GRM4: variants seen among roughly 807,000 people sequenced by gnomAD.
The protein encoded by GRM4 is metabotropic glutamate receptor 4.
Under a neutral mutation model 81.7 loss-of-function variants are expected in GRM4, and 28 were observed. That is an observed-to-expected ratio of 0.34 (90% CI 0.25 to 0.47). GRM4 has a LOEUF of 0.47. GRM4 is among the 20% of genes least tolerant of loss of function. The pLI, the probability that GRM4 is intolerant of heterozygous loss-of-function variation, is 1.00. For missense variants in GRM4, 948 were observed against 1,290.0 expected, an observed-to-expected ratio of 0.73 and a Z score of 4.06; for synonymous variants, 488 against 528.8, an observed-to-expected ratio of 0.92 and a Z score of 1.06.
intron 6 of GRM4, chr6:34,054,741 T>C (rs2101545): frequency 0.34 from 51,936 of 152,214 alleles, 10,710 homozygotes; most frequent in Non-Finnish European, 0.45. Flanking sequence ...TGCCACCACT[T>C]CCAGTCTTTC....
At chr6:34,110,709 C>T (rs1250631555) in intron 2 of GRM4, 1 of 1,522,536 alleles carries the variant, frequency 6.6e-7, no homozygotes. Flanking sequence ...AGCCTCCCCG[C>T]TGTGCCGGGG....
rs749152215 is a variant in GRM4, at chr6:34,022,887, CA to C, written c.2690-18del. ...TGGCCAGCGCTGGAAGGAGAGAGAC[CA>C]GGGGTACCCAGGAGTCAGGGGCTGC... On this transcript the variant is annotated intron_variant, in intron 10 of 10. Coordinates refer to ENST00000538487, the MANE Select transcript of GRM4 (RefSeq NM_000841.4). The surrounding 1 kb of genome is among the most constrained non-coding windows in gnomAD (Gnocchi z 5.6). 2.5e-6 allele frequency: 4 copies of C among 1,609,200 alleles called. No homozygotes were observed. Among genetic ancestry groups the C allele is most frequent in the East Asian group, 4.5e-5 (2 of 44,848 alleles).
rs530075812 is a variant in GRM4 at position 34,069,010 on chromosome 6, T to C, written c.737-6982A>G. Among the ~76,000 whole-genome samples, 1 of 152,126 alleles carries C rather than the reference T, an allele frequency of 6.6e-6. No homozygotes were observed. Among genetic ancestry groups the C allele is most frequent in the African/African-American group, 2.4e-5 (1 of 41,508 alleles). The stretch of plus-strand genomic sequence containing the variant: ...AGGAATTCAAGTGGAAAAATCTACC[T>C]TATGGCAAAATGTGAAGGCAGCAAT... On this transcript the variant is annotated intron_variant, in intron 3 of 10. Coordinates refer to ENST00000538487, the MANE Select transcript of GRM4 (RefSeq NM_000841.4). This position sits in a 1 kb window ranked among gnomAD's most constrained non-coding sequence, Gnocchi z 6.4.
At chr6:34,071,612 C>CACACATCA (rs757410411) in intron 3 of GRM4, among the ~76,000 whole-genome samples, 2 of 6,780 alleles carry the variant, frequency 2.9e-4, no homozygotes, top group East Asian at 5.8e-3. Flanking sequence ...ACCACACACA[C>CACACATCA]CCATACATCA....
chr6:34,101,704 G>A (rs1188775222), intron 2 of GRM4, among the ~76,000 whole-genome samples: 1 of 152,248 alleles, frequency 6.6e-6, no homozygotes, highest in Non-Finnish European at 1.5e-5. Context: ...AGATCGGGCA[G>A]GAGCCCTGGA....
intron 6 of GRM4, among the ~76,000 whole-genome samples, chr6:34,041,068 GGTC>G (rs1470289734): frequency 6.6e-6 from 1 of 152,200 alleles, no homozygotes; most frequent in Non-Finnish European, 1.5e-5. Flanking sequence ...GTGTCCCAGA[GGTC>G]TCCCTGTGGC....
intron 6 of GRM4, among the ~76,000 whole-genome samples, chr6:34,052,061 C>A (rs1765639723): frequency 6.6e-6 from 1 of 152,236 alleles, no homozygotes; most frequent in South Asian, 2.1e-4. Context: ...CAGCTGCCAG[C>A]ATGTGCCACC....
rs748147488 is a variant in GRM4, at chr6:34,036,136, G to T, written c.1974C>A (p.Phe658Leu). 6.2e-7 allele frequency: 1 copy of T among 1,614,232 alleles called. No individual in the cohort carries two copies. Among genetic ancestry groups the T allele is most frequent in the South Asian group, 1.1e-5 (1 of 91,090 alleles). Residue 658 changes from phenylalanine to leucine, a missense_variant, in exon 9 of 11, where the codon TTC becomes TTA. Physicochemically the swap from Phe to Leu is conservative, Grantham distance 22. Coordinates refer to ENST00000538487, the MANE Select transcript of GRM4 (RefSeq NM_000841.4). This position sits in a 1 kb window ranked among gnomAD's most constrained non-coding sequence, Gnocchi z 9.0. Reference sequence around the variant, plus strand: ...AGCTGATGCTCATCCCTAGTCCCAGGAAGATTCGGCGCAGCGAGCAGGTGC... The same window carrying T: ...AGCTGATGCTCATCCCTAGTCCCAGTAAGATTCGGCGCAGCGAGCAGGTGC... ...DLGTCSLRRI[F>L]LGLGMSISYA...
chr6:34,150,801 G>GAA (rs1771029827), upstream of GRM4, among the ~76,000 whole-genome samples: 1 of 152,198 alleles, frequency 6.6e-6, no homozygotes, highest in African/African-American at 2.4e-5. Context: ...GAAGTTGAGA[G>GAA]AAGCCAGAGT....
In GRM4 at chr6:34,033,456, G is replaced by A. The variant is rs143637886; in HGVS notation, c.2442+2212C>T. Among the ~76,000 whole-genome samples, 500 of 152,246 alleles carry A rather than the reference G, an allele frequency of 3.3e-3. 3 individuals are homozygous for A. The highest frequency in any genetic ancestry group is 0.01 in the African/African-American group (431 of 41,538). On this transcript the variant is annotated intron_variant, in intron 9 of 10. Coordinates refer to ENST00000538487, the MANE Select transcript of GRM4 (RefSeq NM_000841.4). ...ACAAAGTGGGGACAAGTCCAGCTGT[G>A]CCACCAAGGCAAGTCACTCCCCCTC...
intron 3 of GRM4, among the ~76,000 whole-genome samples, chr6:34,072,205 TCAC>T (rs771605016): frequency 7.9e-5 from 3 of 37,894 alleles, no homozygotes; most frequent in Non-Finnish European, 1.6e-4. Flanking sequence ...AGACACACAA[TCAC>T]CACAAACCAC....
intron 3 of GRM4, among the ~76,000 whole-genome samples, chr6:34,072,960 A>C (rs2127471981): frequency 9.4e-6 from 1 of 106,376 alleles, no homozygotes; most frequent in Non-Finnish European, 2.0e-5. Context: ...CACCACACAC[A>C]TGCATCACCA....
intron 2 of GRM4, among the ~76,000 whole-genome samples, chr6:34,097,372 CTGTG>C (rs972349080): frequency 6.6e-5 from 10 of 150,838 alleles, no homozygotes; most frequent in East Asian, 1.9e-4. Context: ...GTATGCATGC[CTGTG>C]TGTGTGTGTG....
chr6:34,068,066 T>C lies in GRM4; in HGVS notation c.737-6038A>G, dbSNP rs1360417036. On this transcript the variant is annotated intron_variant, in intron 3 of 10. Transcript: ENST00000538487. The surrounding 1 kb of genome is among the most constrained non-coding windows in gnomAD (Gnocchi z 4.2). ...TGCAGAGGACAGAAGCCCGGCGCCA[T>C]GCAGCCTGCGTCCCAGGGTGGGAAG... Among the ~76,000 whole-genome samples the C allele has an allele frequency of 6.6e-6, 1 of 152,192 alleles. No homozygotes were observed. Among genetic ancestry groups the C allele is most frequent in the Non-Finnish European group, 1.5e-5 (1 of 68,024 alleles).
intron 10 of GRM4, among the ~76,000 whole-genome samples, chr6:34,025,506 C>A (rs1764091328): frequency 6.6e-6 from 1 of 152,146 alleles, no homozygotes. Flanking sequence ...GAGGAAGGAC[C>A]ACAGGGCCTC....
rs759998974 is a variant in GRM4, at chr6:34,097,429, CTG to C, written c.520-5332_520-5331del. Among the ~76,000 whole-genome samples, 115 of 35,338 alleles carry C rather than the reference CTG, an allele frequency of 3.3e-3. 1 individual carries two copies. Among genetic ancestry groups the C allele is most frequent in the African/African-American group, 0.01 (90 of 8,678 alleles). The allele number at this position is 35,338 out of a possible 152,430, so 23.2% of individuals were successfully genotyped here. A position where few individuals can be genotyped will look rare whatever the true frequency, so the allele number is the denominator to read the frequency against. On this transcript the variant is annotated intron_variant, in intron 2 of 10. Transcript: ENST00000538487. ...TGTTTGTGTGAGCATGTGTGCATGC[CTG>C]TGTGTGTGTGTGTGTGTGTGCGCGC... is the stretch of plus-strand genomic sequence containing the variant.
intron 1 of GRM4, 46 bp downstream of exon 1, chr6:34,145,954 G>A: frequency 2.0e-6 from 2 of 978,020 alleles, no homozygotes; most frequent in Non-Finnish European, 2.4e-6. Flanking sequence ...CCCTCTTCCG[G>A]AAGCCCCCCC....
intron 2 of GRM4, among the ~76,000 whole-genome samples, chr6:34,118,863 A>G (rs1259706148): frequency 1.3e-5 from 2 of 152,244 alleles, no homozygotes; most frequent in African/African-American, 4.8e-5. Context: ...ACACATCTTC[A>G]GTAAACATTT....
At chr6:34,141,464 C>T (rs999049333) in intron 1 of GRM4, among the ~76,000 whole-genome samples, 1 of 152,202 alleles carries the variant, frequency 6.6e-6, no homozygotes, top group Non-Finnish European at 1.5e-5. Flanking sequence ...TTATGCACTG[C>T]GTTCCCCAAT....
Sources: gnomAD v4.1 joint callset for allele counts (sites outside exome capture counted in the v4.1 genomes callset) on GRCh38, gnomAD v4.1.1 for gene constraint, Gnocchi (gnomAD v3.1) non-coding constraint, MANE v1.5 for transcripts, NCBI Gene and HGNC (gene_info 2026-07-23, HGNC 2026-07-21) for gene names.